Variants in MYL10 observed in about 807,000 individuals in gnomAD.
MYL10 encodes the protein myosin light chain 10.
In MYL10, 18 loss-of-function variants were observed where a neutral mutation model predicts 21.9. The observed-to-expected ratio is 0.82, with a 90% confidence interval of 0.57 to 1.22. The LOEUF is 1.22. Ranked by LOEUF, MYL10 falls within the 50% of genes most tolerant of loss-of-function variation. MYL10 has a pLI of 0.00. For missense variants in MYL10, 225 were observed against 230.4 expected, an observed-to-expected ratio of 0.98 and a Z score of 0.15; for synonymous variants, 88 against 82.8, an observed-to-expected ratio of 1.06 and a Z score of -0.34.
intron 4 of MYL10, 115 bp downstream of exon 4, chr7:101,622,882 G>T (rs1263308480): frequency 2.3e-6 from 2 of 883,200 alleles, no homozygotes; most frequent in Non-Finnish European, 3.5e-6. Flanking sequence ...TTTACCCTGT[G>T]CTCCCCAGCA....
At chr7:101,625,249 T>A (rs367986802) in intron 1 of MYL10, among the ~76,000 whole-genome samples, 2 of 152,160 alleles carry the variant, frequency 1.3e-5, no homozygotes, top group Non-Finnish European at 2.9e-5. Context: ...AAGTCCACCA[T>A]TGGGCATTTG....
chr7:101,613,934 C>A (rs1460672287), intron 6 of MYL10, among the ~76,000 whole-genome samples: 15 of 152,072 alleles, frequency 9.9e-5, no homozygotes, highest in Non-Finnish European at 2.2e-4. Flanking sequence ...AGGTAGGGAC[C>A]AAAAGCAATG....
intron 5 of MYL10, among the ~76,000 whole-genome samples, chr7:101,621,393 G>A (rs1584539714): frequency 6.6e-6 from 1 of 152,028 alleles, no homozygotes; most frequent in Admixed American, 6.6e-5. Context: ...AAAAGACAAG[G>A]GGAGTAACTT....
At chr7:101,622,350 G>A in intron 4 of MYL10, 150 bp from the exon 5 acceptor site, 1 of 554,692 alleles carries the variant, frequency 1.8e-6, no homozygotes, top group Non-Finnish European at 3.1e-6. Context: ...CTCTTTAGGG[G>A]GCATTTGGGC....
chr7:101,623,713 A>C, intron 3 of MYL10, among the ~76,000 whole-genome samples: 1 of 151,332 alleles, frequency 6.6e-6, no homozygotes, highest in Admixed American at 6.6e-5. Flanking sequence ...AAAAAAAAAA[A>C]AAAACCTAAT....
chr7:101,623,756 T>C, intron 3 of MYL10, among the ~76,000 whole-genome samples, 164 bp downstream of exon 3: 1 of 147,024 alleles, frequency 6.8e-6, no homozygotes, highest in Non-Finnish European at 1.5e-5. Context: ...CGCTGGGCAC[T>C]GTGGCTCACG....
chr7:101,614,075 T>C (rs1026796820), intron 6 of MYL10, among the ~76,000 whole-genome samples: 9 of 152,190 alleles, frequency 5.9e-5, no homozygotes, highest in African/African-American at 2.2e-4. Flanking sequence ...GGACACACTC[T>C]TTCCTCCAGC....
intron 5 of MYL10, among the ~76,000 whole-genome samples, chr7:101,617,837 T>C (rs1056336980): frequency 5.3e-5 from 8 of 151,870 alleles, no homozygotes; most frequent in African/African-American, 1.9e-4. Context: ...CATCTGTGCC[T>C]CTTCCATCAG....
rs140607004 is a variant in MYL10 at position 101,622,181 on chromosome 7, G to A, written c.369C>T (p.Asn123=). Residue 123 remains asparagine (N), a synonymous_variant, in exon 5 of 8, where the codon AAC becomes AAT. Transcript: ENST00000223167. The part of the protein sequence containing the change: ...FAALGRINVK[N]EELEAMVKEA... ...CCTTCACCATGGCCTCCAGTTCCTC[G>A]TTCTTGACATTGATGCGGCCTGTGG... The A allele has an allele frequency of 7.2e-4, 1,168 of 1,613,078 alleles. 4 individuals are homozygous for A. Among genetic ancestry groups the A allele is most frequent in the Middle Eastern group, 3.5e-3 (21 of 6,054 alleles).
At chr7:101,626,351 T>A (rs1796746640) in intron 1 of MYL10, among the ~76,000 whole-genome samples, 1 of 152,114 alleles carries the variant, frequency 6.6e-6, no homozygotes, top group South Asian at 2.1e-4. Context: ...ACAGTCCCGC[T>A]GGTGACAGGC....
chr7:101,624,467 C>T (rs1249590928), intron 1 of MYL10, among the ~76,000 whole-genome samples: 3 of 152,196 alleles, frequency 2.0e-5, no homozygotes, highest in African/African-American at 4.8e-5. Flanking sequence ...GCCTGCACGG[C>T]GTGCACCCCC....
intron 3 of MYL10, among the ~76,000 whole-genome samples, chr7:101,623,607 A>T (rs1297062129): frequency 6.9e-6 from 1 of 145,224 alleles, no homozygotes; most frequent in Non-Finnish European, 1.5e-5. Context: ...AGGTGGGAGG[A>T]TGGCTTGAGC....
chr7:101,615,879 A>G (rs879604984), intron 6 of MYL10, among the ~76,000 whole-genome samples: 2 of 151,428 alleles, frequency 1.3e-5, no homozygotes, highest in Non-Finnish European at 2.9e-5. Flanking sequence ...TATTATTTTC[A>G]GTAGAGATGG....
At chr7:101,622,277 C>T (rs1319565601) in intron 4 of MYL10, 77 bp from the exon 5 acceptor site, 5 of 1,120,598 alleles carry the variant, frequency 4.5e-6, no homozygotes. Context: ...CACAAAGCCT[C>T]CCCACTCAGC....
chr7:101,616,141 TG>T lies in MYL10; in HGVS notation c.533+78del. ...GCTCCTGGCTTCTGGGAGAGGAGACTGGGCGACCATCCACCCTGACCCCAGC... is the reference window on the plus strand; with the variant it reads ...GCTCCTGGCTTCTGGGAGAGGAGACTGGCGACCATCCACCCTGACCCCAGC... On this transcript the variant is annotated intron_variant, in intron 6 of 7. Coordinates refer to ENST00000223167, the MANE Select transcript of MYL10 (RefSeq NM_138403.5). 5 of 1,223,090 alleles carry T rather than the reference TG, an allele frequency of 4.1e-6. No individual in the cohort carries two copies. The South Asian group carries it at 5.1e-5, about 13-fold the overall frequency. 75.8% of individuals were successfully genotyped at this position (1,223,090 alleles called of 1,614,324 possible). A position where few individuals can be genotyped will look rare whatever the true frequency, so the allele number is the denominator to read the frequency against.
At chr7:101,620,736 C>G (rs1234082779) in intron 5 of MYL10, among the ~76,000 whole-genome samples, 1 of 150,236 alleles carries the variant, frequency 6.7e-6, no homozygotes. Context: ...GCAGAGCTGA[C>G]AGTGCTCACT....
chr7:101,622,648 G>A (rs905727024), intron 4 of MYL10, among the ~76,000 whole-genome samples: 9 of 152,134 alleles, frequency 5.9e-5, no homozygotes, highest in East Asian at 1.9e-4. Context: ...GGGCCTTAGA[G>A]GGATCAGAAA....
At chr7:101,625,907 C>A (rs1796739964) in intron 1 of MYL10, among the ~76,000 whole-genome samples, 1 of 152,008 alleles carries the variant, frequency 6.6e-6, no homozygotes, top group African/African-American at 2.4e-5. Context: ...TCCCTGCCCC[C>A]CACGCCCCCA....
chr7:101,614,093 G>A (rs555340880), intron 6 of MYL10, among the ~76,000 whole-genome samples: 3 of 152,284 alleles, frequency 2.0e-5, no homozygotes, highest in Non-Finnish European at 4.4e-5. Context: ...AGCTTGTGAC[G>A]TTCACTGACA....
Sources: gnomAD v4.1 joint callset for allele counts (sites outside exome capture counted in the v4.1 genomes callset) on GRCh38, gnomAD v4.1.1 for gene constraint, MANE v1.5 for transcripts, NCBI Gene and HGNC (gene_info 2026-07-23, HGNC 2026-07-21) for gene names.